Variants in PHACTR2 observed in about 807,000 individuals in gnomAD.
PHACTR2 encodes phosphatase and actin regulator 2.
Under a neutral mutation model 76.0 loss-of-function variants are expected in PHACTR2, and 30 were observed. The ratio of observed to expected loss-of-function variants is 0.39; its 90% CI spans 0.30 to 0.54. The LOEUF (loss-of-function observed/expected upper bound fraction) is 0.54, where lower values mean the gene tolerates loss of function less well. Ranked by LOEUF, PHACTR2 falls within the 20% of genes least tolerant of loss-of-function variation. The pLI is 0.61. For missense variants in PHACTR2, 696 were observed against 781.1 expected, an observed-to-expected ratio of 0.89 and a Z score of 1.30; for synonymous variants, 292 against 292.5, an observed-to-expected ratio of 1.00 and a Z score of 0.02.
intron 1 of PHACTR2, among the ~76,000 whole-genome samples, chr6:143,694,611 C>T (rs755634376): frequency 2.6e-5 from 4 of 152,016 alleles, no homozygotes; most frequent in Admixed American, 6.6e-5. Context: ...GTTTGAAATC[C>T]GCAGGGTGAC....
Position 143,761,215 on chromosome 6 carries a change from G to A in PHACTR2, c.694+575G>A, listed in dbSNP as rs1473620668. On this transcript the variant is annotated intron_variant, in intron 5 of 12. Transcript: ENST00000440869. The surrounding 1 kb of genome is among the most constrained non-coding windows in gnomAD (Gnocchi z 5.2). The stretch of plus-strand genomic sequence containing the variant: ...GAAAACTATTTCAGTGGAGTGGAAA[G>A]TTACACTCTCAGTGTTCCACACCTC... Among the ~76,000 whole-genome samples, 1 of 152,188 alleles carries A rather than the reference G, an allele frequency of 6.6e-6. No individual in the cohort carries two copies. Among genetic ancestry groups the A allele is most frequent in the Non-Finnish European group, 1.5e-5 (1 of 68,032 alleles).
Position 143,561,347 on chromosome 6 carries a change from G to A in PHACTR2, c.217+24140G>A, listed in dbSNP as rs540281643. ...TTAACTCGGTCTCCAGAGCCCAGAAGATTAGGTTGTTGCTCAATGTTTGTT... is the reference window on the plus strand; with the variant it reads ...TTAACTCGGTCTCCAGAGCCCAGAAAATTAGGTTGTTGCTCAATGTTTGTT... On this transcript the variant is annotated intron_variant, in intron 1 of 11. Transcript: ENST00000367584. This position sits in a 1 kb window ranked among gnomAD's most constrained non-coding sequence, Gnocchi z 4.1. The A allele has an allele frequency of 1.3e-5, 2 of 152,450 alleles. No homozygotes were observed. The highest frequency in any genetic ancestry group is 4.1e-4 in the South Asian group (2 of 4,822). 9.4% of individuals were successfully genotyped at this position (152,450 alleles called of 1,614,324 possible). A position where few individuals can be genotyped will look rare whatever the true frequency, so the allele number is the denominator to read the frequency against.
chr6:143,759,810 A>G (rs889688764), intron 4 of PHACTR2, among the ~76,000 whole-genome samples: 3 of 152,160 alleles, frequency 2.0e-5, no homozygotes, highest in Non-Finnish European at 4.4e-5. Context: ...TCTAAAGCGC[A>G]TTGTTGCCTC....
Position 143,823,594 on chromosome 6 carries a change from A to G in PHACTR2, c.1923-80A>G. ...TCTGGGGTACCTTTTCATTGTAAAC[A>G]TGACCACGCCTTATTCAGCTCACTG... On this transcript the variant is annotated intron_variant, in intron 12 of 12. Coordinates refer to ENST00000440869, the MANE Select transcript of PHACTR2 (RefSeq NM_001100164.2). The surrounding 1 kb of genome is among the most constrained non-coding windows in gnomAD (Gnocchi z 5.7). The G allele has an allele frequency of 9.3e-7, 1 of 1,070,446 alleles. No homozygotes were observed. Among genetic ancestry groups the G allele is most frequent in the Non-Finnish European group, 1.4e-6 (1 of 694,658 alleles). The allele number at this position is 1,070,446 out of a possible 1,614,324, so 66.3% of individuals were successfully genotyped here.
In PHACTR2 at chr6:143,765,980, T is replaced by G. The variant is rs1191212869; in HGVS notation, c.1232+182T>G. Among the ~76,000 whole-genome samples the G allele has an allele frequency of 1.3e-5, 2 of 152,236 alleles. No individual in the cohort carries two copies. The highest frequency in any genetic ancestry group is 4.8e-5 in the African/African-American group (2 of 41,466). On this transcript the variant is annotated intron_variant, in intron 6 of 12. Coordinates refer to ENST00000440869, the MANE Select transcript of PHACTR2 (RefSeq NM_001100164.2). This position sits in a 1 kb window ranked among gnomAD's most constrained non-coding sequence, Gnocchi z 4.1. The stretch of plus-strand genomic sequence containing the variant: ...CTGCCCTGGGAATGCCTAGGGCTGC[T>G]GGAGAAAATTACATTGGTAGAGCTG...
Position 143,689,148 on chromosome 6 carries a change from T to C in PHACTR2, c.46+10939T>C, listed in dbSNP as rs1777585662. ...TGACTCCTTGTTTCGGCTGGATCCTTGTGCTTCATAGAGACCTTCCCTGCC... is the reference window on the plus strand; with the variant it reads ...TGACTCCTTGTTTCGGCTGGATCCTCGTGCTTCATAGAGACCTTCCCTGCC... On this transcript the variant is annotated intron_variant, in intron 1 of 12. Transcript: ENST00000440869. The surrounding 1 kb of genome is among the most constrained non-coding windows in gnomAD (Gnocchi z 4.4). 1.3e-5 allele frequency among the ~76,000 whole-genome samples: 2 copies of C among 152,212 alleles called. No individual in the cohort carries two copies.
chr6:143,696,137 A>G lies in PHACTR2; in HGVS notation c.47-15879A>G, dbSNP rs1777764239. Among the ~76,000 whole-genome samples, 1 of 152,194 alleles carries G rather than the reference A, an allele frequency of 6.6e-6. No homozygotes were observed. The highest frequency in any genetic ancestry group is 2.4e-5 in the African/African-American group (1 of 41,454). Reference sequence around the variant, plus strand: ...ACGTCCAACTCTTAGCTCCTCTCTCATTCTTGTATATGATGTCAACCTTCT... The same window carrying G: ...ACGTCCAACTCTTAGCTCCTCTCTCGTTCTTGTATATGATGTCAACCTTCT... On this transcript the variant is annotated intron_variant, in intron 1 of 12. Transcript: ENST00000440869. The surrounding 1 kb of genome is among the most constrained non-coding windows in gnomAD (Gnocchi z 4.1).
In PHACTR2 at chr6:143,549,159, C is replaced by G. The variant is rs1377144245; in HGVS notation, c.217+11952C>G. Among the ~76,000 whole-genome samples, 2 of 152,008 alleles carry G rather than the reference C, an allele frequency of 1.3e-5. No homozygotes were observed. Among genetic ancestry groups the G allele is most frequent in the Non-Finnish European group, 2.9e-5 (2 of 67,940 alleles). On this transcript the variant is annotated intron_variant, in intron 1 of 11. Coordinates refer to the PHACTR2 transcript ENST00000367584. This position sits in a 1 kb window ranked among gnomAD's most constrained non-coding sequence, Gnocchi z 4.2. The stretch of plus-strand genomic sequence containing the variant: ...TGTCTGGGCCCCTTTGGTTTCCATT[C>G]AAGGCAGCCCTCAGTGGTCATTTAA...
At chr6:143,779,313 G>A (rs367593916) in intron 9 of PHACTR2, among the ~76,000 whole-genome samples, 1 of 151,164 alleles carries the variant, frequency 6.6e-6, no homozygotes, top group Non-Finnish European at 1.5e-5. Context: ...GTGATACAGT[G>A]TGGTTTTTAA....
At chr6:143,569,341 A>T (rs947677244) in intron 1 of PHACTR2, among the ~76,000 whole-genome samples, 3 of 152,182 alleles carry the variant, frequency 2.0e-5, no homozygotes, top group Admixed American at 1.3e-4. Flanking sequence ...CTCAACTCTG[A>T]GTCACCATGG....
chr6:143,726,345 T>C (rs1285488881), intron 2 of PHACTR2, among the ~76,000 whole-genome samples: 1 of 152,202 alleles, frequency 6.6e-6, no homozygotes, highest in East Asian at 1.9e-4. Context: ...CTCAGTAGTG[T>C]TCAATATATT....
At chr6:143,673,529 A>G (rs1356196549), upstream of PHACTR2, among the ~76,000 whole-genome samples, 1 of 152,194 alleles carries the variant, frequency 6.6e-6, no homozygotes, top group Non-Finnish European at 1.5e-5. Context: ...GCAGTCATAT[A>G]AAAGATGTCT....
intron 1 of PHACTR2, among the ~76,000 whole-genome samples, chr6:143,544,174 G>A (rs1051290060): frequency 1.1e-4 from 15 of 142,848 alleles, no homozygotes; most frequent in African/African-American, 3.0e-4. Context: ...GGAACTAGCC[G>A]TAAAGAAATT....
rs527558025 is a variant in PHACTR2, at chr6:143,827,045, A to C, written c.*3356A>C. 1 of 150,938 alleles carries C rather than the reference A, an allele frequency of 6.6e-6. No individual in the cohort carries two copies. The highest frequency in any genetic ancestry group is 1.9e-4 in the East Asian group (1 of 5,136). 9.3% of individuals were successfully genotyped at this position (150,938 alleles called of 1,614,324 possible). ...ATAAAGGAATTCAATACACCCTTCA[A>C]AAGTCACCAAATACTGAAAATAAGA... is the stretch of plus-strand genomic sequence containing the variant. On this transcript the variant is annotated 3_prime_UTR_variant, in exon 13 of 13. Transcript: ENST00000440869.
At chr6:143,720,922 A>C (rs6915880) in intron 2 of PHACTR2, among the ~76,000 whole-genome samples, 2 of 152,072 alleles carry the variant, frequency 1.3e-5, no homozygotes, top group African/African-American at 4.8e-5. Context: ...TTGGTTGTCA[A>C]TCTTGATATC....
chr6:143,738,987 C>G lies in PHACTR2; in HGVS notation c.215-9998C>G, dbSNP rs1049946611. Among the ~76,000 whole-genome samples, 4 of 152,178 alleles carry G rather than the reference C, an allele frequency of 2.6e-5. No individual in the cohort carries two copies. The highest frequency in any genetic ancestry group is 5.9e-5 in the Non-Finnish European group (4 of 68,044). The stretch of plus-strand genomic sequence containing the variant: ...TTCAGGCTCTCTGGAGCTTCTCTTC[C>G]AATGGCTATTGTTTATGATCTCTTA... On this transcript the variant is annotated intron_variant, in intron 2 of 12. Coordinates refer to ENST00000440869, the MANE Select transcript of PHACTR2 (RefSeq NM_001100164.2). The surrounding 1 kb of genome is among the most constrained non-coding windows in gnomAD (Gnocchi z 4.0).
intron 1 of PHACTR2, among the ~76,000 whole-genome samples, chr6:143,593,244 G>A (rs955724266): frequency 6.6e-6 from 1 of 152,066 alleles, no homozygotes; most frequent in East Asian, 1.9e-4. Flanking sequence ...TGTGGGGGCT[G>A]CAGAGCAGTG....
At chr6:143,631,197 A>G (rs559057531) in intron 1 of PHACTR2, among the ~76,000 whole-genome samples, 3 of 151,970 alleles carry the variant, frequency 2.0e-5, no homozygotes, top group South Asian at 2.1e-4. Flanking sequence ...TTATTTATTC[A>G]TTTGTTTTTT....
chr6:143,559,690 C>CTTTTTTTTTTTTTTTTTTTTTTTTT (rs5880566), intron 1 of PHACTR2, among the ~76,000 whole-genome samples: 1 of 31,894 alleles, frequency 3.1e-5, no homozygotes, highest in Admixed American at 6.1e-4. Context: ...TTTTTCTTTT[C>CTTTTTTTTTTTTTTTTTTTTTTTTT]TTTTTTTTTT....
Sources: gnomAD v4.1 joint callset for allele counts (sites outside exome capture counted in the v4.1 genomes callset) on GRCh38, gnomAD v4.1.1 for gene constraint, Gnocchi (gnomAD v3.1) non-coding constraint, MANE v1.5 for transcripts, NCBI Gene and HGNC (gene_info 2026-07-23, HGNC 2026-07-21) for gene names.